The following GSG1L variants were observed in gnomAD, a reference collection of about 807,000 sequenced individuals.
The protein encoded by GSG1L is GSG1 like, also known as germ cell-specific gene 1-like protein.
GSG1L carries 24 observed loss-of-function variants against 42.1 expected under a neutral mutation model. The ratio of observed to expected loss-of-function variants is 0.57; its 90% confidence interval spans 0.41 to 0.80. GSG1L has a LOEUF of 0.80. Ranked by LOEUF, GSG1L falls within the 30% of genes least tolerant of loss-of-function variation. GSG1L has a pLI of 0.00. For missense variants in GSG1L, 445 were observed against 472.2 expected, an observed-to-expected ratio of 0.94 and a Z score of 0.53; for synonymous variants, 215 against 203.5, an observed-to-expected ratio of 1.06 and a Z score of -0.48.
chr16:27,830,264 G>A (rs1214942883), intron 4 of GSG1L, among the ~76,000 whole-genome samples: 1 of 152,078 alleles, frequency 6.6e-6, no homozygotes, highest in Non-Finnish European at 1.5e-5. Flanking sequence ...CCAAATCAGG[G>A]ACTCAGTTTT....
chr16:27,972,549 TAAG>T (rs921124581), intron 1 of GSG1L, among the ~76,000 whole-genome samples: 1 of 152,214 alleles, frequency 6.6e-6, no homozygotes, highest in Non-Finnish European at 1.5e-5. Flanking sequence ...CATTAAACCT[TAAG>T]ACAGGTGCAC....
At chr16:27,998,366 T>C (rs1252628765) in intron 1 of GSG1L, 1 of 152,236 alleles carries the variant, frequency 6.6e-6, no homozygotes, top group Non-Finnish European at 1.5e-5. Flanking sequence ...CTCTGTATCA[T>C]TCCAAGTTTA....
chr16:28,013,888 A>G (rs2085752154), intron 1 of GSG1L, among the ~76,000 whole-genome samples: 1 of 152,214 alleles, frequency 6.6e-6, no homozygotes, highest in South Asian at 2.1e-4. Context: ...GACATCAGGC[A>G]TCTCCTGCCT....
chr16:27,827,898 CCA>C (rs35186995), intron 5 of GSG1L, among the ~76,000 whole-genome samples: 3,203 of 83,022 alleles, frequency 0.039, 50 homozygotes, highest in African/African-American at 0.06. Flanking sequence ...ATCCATCCAT[CCA>C]TCCCTTCACC....
chr16:27,844,888 A>T, intron 4 of GSG1L, 62 bp downstream of exon 4: 2 of 492,308 alleles, frequency 4.1e-6, no homozygotes, highest in East Asian at 7.4e-5. Flanking sequence ...TGAGCTGCTG[A>T]AGTCCCAGCG....
intron 2 of GSG1L, among the ~76,000 whole-genome samples, chr16:27,929,218 G>C (rs1481789045): frequency 6.6e-6 from 1 of 152,136 alleles, no homozygotes; most frequent in Non-Finnish European, 1.5e-5. Flanking sequence ...GTGTGGTGTG[G>C]ACTCACCCAG....
At chr16:28,039,704 C>A (rs1025362791) in intron 1 of GSG1L, among the ~76,000 whole-genome samples, 3 of 151,038 alleles carry the variant, frequency 2.0e-5, no homozygotes, top group African/African-American at 7.3e-5. Flanking sequence ...CTACACATGC[C>A]TGTGCACACA....
chr16:27,788,805 G>C lies in GSG1L; in HGVS notation c.*2565C>G, dbSNP rs2082719743. 2 of 152,244 alleles carry C rather than the reference G, an allele frequency of 1.3e-5. No homozygotes were observed. Among genetic ancestry groups the C allele is most frequent in the African/African-American group, 4.8e-5 (2 of 41,456 alleles). The allele number at this position is 152,244 out of a possible 1,614,324, so 9.4% of individuals were successfully genotyped here. ...GCTCATTTAATTTGCACAACAGCTT[G>C]AAGAGGTAGGTATAATGATTATCCG... On this transcript the variant is annotated 3_prime_UTR_variant, in exon 7 of 7. Transcript: ENST00000447459.
At chr16:28,014,885 G>A (rs1344819938) in intron 1 of GSG1L, among the ~76,000 whole-genome samples, 3 of 152,098 alleles carry the variant, frequency 2.0e-5, no homozygotes, top group Non-Finnish European at 2.9e-5. Flanking sequence ...AAGCAAGTGA[G>A]AAATATGCTT....
At position 27,850,659 on chromosome 16, in the gene GSG1L, TAGAG is replaced by T. The variant is rs1475935245; in HGVS notation, c.551-5602_551-5599del. 3 of 448,094 alleles carry T rather than the reference TAGAG, an allele frequency of 6.7e-6. No homozygotes were observed. In the East Asian group the frequency reaches 2.1e-4, roughly 31 times the overall value. 27.8% of individuals were successfully genotyped at this position (448,094 alleles called of 1,614,324 possible). A position where few individuals can be genotyped will look rare whatever the true frequency, so the allele number is the denominator to read the frequency against. On this transcript the variant is annotated intron_variant, in intron 3 of 6. Coordinates refer to ENST00000447459, the MANE Select transcript of GSG1L (RefSeq NM_001109763.2). The stretch of plus-strand genomic sequence containing the variant: ...TTTAGAAGAGGAGGAGGGTAAATGA[TAGAG>T]AAAGCTTTCAAAGCATAATGCTGCC...
chr16:27,891,006 C>T (rs1212775216), intron 2 of GSG1L, among the ~76,000 whole-genome samples: 1 of 152,222 alleles, frequency 6.6e-6, no homozygotes, highest in East Asian at 1.9e-4. Flanking sequence ...GCGCCTGTGT[C>T]TCTCTGCTTG....
intron 2 of GSG1L, among the ~76,000 whole-genome samples, chr16:27,954,433 C>G (rs960586934): frequency 6.6e-6 from 1 of 152,158 alleles, no homozygotes; most frequent in African/African-American, 2.4e-5. Flanking sequence ...ATAGAGGAAC[C>G]AGGCCCAGCT....
chr16:27,979,824 AAGAG>A (rs147059998), intron 1 of GSG1L, among the ~76,000 whole-genome samples: 1,695 of 142,718 alleles, frequency 0.012, 38 homozygotes, highest in African/African-American at 0.041. Context: ...AAAAGAAAGA[AAGAG>A]AGAGAGAGAG....
intron 3 of GSG1L, among the ~76,000 whole-genome samples, chr16:27,857,894 G>A (rs186827508): frequency 6.7e-4 from 94 of 140,264 alleles, no homozygotes; most frequent in Middle Eastern, 3.7e-3. Context: ...TTTTGCTCTC[G>A]GAGGGCCCTG....
intron 1 of GSG1L, among the ~76,000 whole-genome samples, chr16:28,007,476 G>GTGGTTGGTTGGTTGGT (rs772976295): frequency 1.7e-5 from 2 of 119,398 alleles, no homozygotes; most frequent in Non-Finnish European, 3.4e-5. Context: ...GCATGTGTGT[G>GTGGTTGGTTGGTTGGT]TGGTTGGTTG....
At chr16:27,860,367 T>C (rs1178520079) in intron 3 of GSG1L, among the ~76,000 whole-genome samples, 2 of 152,316 alleles carry the variant, frequency 1.3e-5, no homozygotes, top group East Asian at 3.9e-4. Flanking sequence ...TAAATGCTGA[T>C]TGACTCTCAT....
At chr16:27,962,386 A>G (rs928229056) in intron 2 of GSG1L, among the ~76,000 whole-genome samples, 2 of 152,218 alleles carry the variant, frequency 1.3e-5, no homozygotes, top group African/African-American at 4.8e-5. Context: ...ATGCAGATGT[A>G]ATAGCTGGTG....
At chr16:28,060,197 G>A (rs1056601451) in intron 1 of GSG1L, among the ~76,000 whole-genome samples, 2 of 151,998 alleles carry the variant, frequency 1.3e-5, no homozygotes, top group Admixed American at 1.3e-4. Context: ...TGTTCAGGGG[G>A]CTATTGGGAT....
chr16:28,048,472 G>T (rs1185842311), intron 1 of GSG1L, among the ~76,000 whole-genome samples: 1 of 152,056 alleles, frequency 6.6e-6, no homozygotes, highest in East Asian at 1.9e-4. Context: ...ATGTTGCCCA[G>T]TCTGGTCTCT....
Sources: gnomAD v4.1 joint callset for allele counts (sites outside exome capture counted in the v4.1 genomes callset) on GRCh38, gnomAD v4.1.1 for gene constraint, MANE v1.5 for transcripts, NCBI Gene and HGNC (gene_info 2026-07-23, HGNC 2026-07-21) for gene names.